The following CMIP variants were observed in gnomAD, a reference collection of about 807,000 sequenced individuals.
The protein encoded by CMIP is c-Maf inducing protein, also known as C-Maf-inducing protein.
CMIP carries 13 observed loss-of-function variants against 97.3 expected under a neutral mutation model. The observed-to-expected ratio is 0.13, with a 90% confidence interval of 0.09 to 0.21. The LOEUF (loss-of-function observed/expected upper bound fraction) is 0.21. CMIP is among the 10% of genes least tolerant of loss of function. The pLI is 1.00. For missense variants in CMIP, 847 were observed against 1,024.9 expected (o/e 0.83, Z 2.37); for synonymous variants, 538 against 436.3 (o/e 1.23, Z -2.91).
rs549028345 is a variant in CMIP, at chr16:81,653,002, C to T, written c.639+638C>T. 7.2e-5 allele frequency among the ~76,000 whole-genome samples: 11 copies of T among 152,290 alleles called. No individual in the cohort carries two copies. The South Asian group carries it at 2.1e-3, about 29-fold the overall frequency. ...CTTGTGTCCCGGCAGGGGAGACAGGCAGTGAACAATGAAACTCATCAGCGA... is the reference window on the plus strand; with the variant it reads ...CTTGTGTCCCGGCAGGGGAGACAGGTAGTGAACAATGAAACTCATCAGCGA... On this transcript the variant is annotated intron_variant, in intron 4 of 20. Transcript: ENST00000537098.
chr16:81,561,711 C>G (rs1024896201), intron 1 of CMIP, among the ~76,000 whole-genome samples: 1 of 152,222 alleles, frequency 6.6e-6, no homozygotes, highest in Non-Finnish European at 1.5e-5. Context: ...CATCCCTCAG[C>G]TGCTGTATGG....
At chr16:81,673,980 G>T (rs1412274948) in intron 9 of CMIP, among the ~76,000 whole-genome samples, 1 of 152,172 alleles carries the variant, frequency 6.6e-6, no homozygotes, top group East Asian at 1.9e-4. Flanking sequence ...TGTACAGGGG[G>T]GATTTCTCAA....
At chr16:81,516,147 C>T (rs538701819) in intron 1 of CMIP, among the ~76,000 whole-genome samples, 1 of 152,278 alleles carries the variant, frequency 6.6e-6, no homozygotes, top group East Asian at 1.9e-4. Context: ...CTCTCAGTTC[C>T]AGTGCCCAAG....
At position 81,535,501 on chromosome 16, in the gene CMIP, G is replaced by A. The variant is rs531225461; in HGVS notation, c.301-72066G>A. 1.6e-3 allele frequency among the ~76,000 whole-genome samples: 227 copies of A among 138,072 alleles called. 5 individuals carry two copies. In the South Asian group the frequency reaches 0.048, roughly 29 times the overall value. 90.6% of individuals were successfully genotyped at this position (138,072 alleles called of 152,430 possible). A position where few individuals can be genotyped will look rare whatever the true frequency, so the allele number is the denominator to read the frequency against. The stretch of plus-strand genomic sequence containing the variant: ...TTTTTTTTTTAAACAGCTGTTGTAC[G>A]TTCTTTCTCTAAGTGGAGCTAGTCA... On this transcript the variant is annotated intron_variant, in intron 1 of 20. Transcript: ENST00000537098.
intron 3 of CMIP, among the ~76,000 whole-genome samples, chr16:81,638,115 C>T (rs1348393844): frequency 6.6e-6 from 1 of 152,226 alleles, no homozygotes; most frequent in East Asian, 1.9e-4. Context: ...GGCCCCCTCA[C>T]TCCGGTGTCT....
chr16:81,710,699 C>G lies in CMIP; in HGVS notation c.*900C>G, dbSNP rs1908670311. ...TCCAACTCCCTCACGAGGTGGGGCT[C>G]AGGCTGGAGGAGGAGGGATTAAGAT... On this transcript the variant is annotated 3_prime_UTR_variant, in exon 21 of 21. Transcript: ENST00000537098. 6.6e-6 allele frequency: 1 copy of G among 152,248 alleles called. No individual in the cohort carries two copies. Among genetic ancestry groups the G allele is most frequent in the South Asian group, 2.1e-4 (1 of 4,826 alleles). The allele number at this position is 152,248 out of a possible 1,614,324, so 9.4% of individuals were successfully genotyped here. A position where few individuals can be genotyped will look rare whatever the true frequency, so the allele number is the denominator to read the frequency against.
chr16:81,608,065 G>C (rs187117829), intron 2 of CMIP, among the ~76,000 whole-genome samples: 17 of 152,328 alleles, frequency 1.1e-4, no homozygotes, highest in Admixed American at 8.5e-4. Flanking sequence ...AATAGATACT[G>C]ACTTTTTGCA....
chr16:81,610,743 G>C (rs963418879), intron 2 of CMIP, among the ~76,000 whole-genome samples: 1 of 152,156 alleles, frequency 6.6e-6, no homozygotes, highest in Non-Finnish European at 1.5e-5. Context: ...AGGGAGGCTG[G>C]GGCGGGGTGC....
At chr16:81,705,876 A>G (rs1908081493) in intron 19 of CMIP, among the ~76,000 whole-genome samples, 1 of 152,210 alleles carries the variant, frequency 6.6e-6, no homozygotes, top group Non-Finnish European at 1.5e-5. Flanking sequence ...CTTGACACTC[A>G]CAGTCCACTG....
intron 3 of CMIP, among the ~76,000 whole-genome samples, chr16:81,650,048 T>C (rs2092409223): frequency 6.6e-6 from 1 of 152,192 alleles, no homozygotes; most frequent in Non-Finnish European, 1.5e-5. Flanking sequence ...CTGGTTATGG[T>C]TCCAGAGACG....
chr16:81,591,099 G>C (rs2091460276), intron 1 of CMIP, among the ~76,000 whole-genome samples: 1 of 152,076 alleles, frequency 6.6e-6, no homozygotes, highest in African/African-American at 2.4e-5. Context: ...CTCTGATTTA[G>C]AGTTATAGCA....
rs112821820 is a variant in CMIP, at chr16:81,559,418, C to A, written c.301-48149C>A. ...GTTCTAGGTGCAGGAGATAGAGCAA[C>A]GACCACAGTAGTTAAAATCTGTTTT... On this transcript the variant is annotated intron_variant, in intron 1 of 20. Transcript: ENST00000537098. 1.7e-4 allele frequency among the ~76,000 whole-genome samples: 26 copies of A among 152,334 alleles called. 1 individual carries two copies. The highest frequency in any genetic ancestry group is 5.8e-4 in the African/African-American group (24 of 41,568).
intron 1 of CMIP, among the ~76,000 whole-genome samples, chr16:81,502,426 G>A (rs1037297435): frequency 6.6e-6 from 1 of 152,220 alleles, no homozygotes; most frequent in East Asian, 1.9e-4. Context: ...GAGCAATGGA[G>A]GGGGAGGTGA....
intron 1 of CMIP, among the ~76,000 whole-genome samples, chr16:81,470,564 C>T (rs977851481): frequency 2.0e-5 from 3 of 152,196 alleles, no homozygotes; most frequent in Admixed American, 6.5e-5. Context: ...TTCGAGTCCA[C>T]CACGAAGGTG....
intron 1 of CMIP, among the ~76,000 whole-genome samples, chr16:81,505,135 G>T (rs528774060): frequency 6.6e-6 from 1 of 152,210 alleles, no homozygotes; most frequent in Admixed American, 6.5e-5. Flanking sequence ...TGGAGGGCCC[G>T]TCTCAACATG....
intron 1 of CMIP, among the ~76,000 whole-genome samples, chr16:81,451,792 C>T (rs1460618503): frequency 6.6e-6 from 1 of 152,194 alleles, no homozygotes; most frequent in Non-Finnish European, 1.5e-5. Context: ...GAGGGCATTG[C>T]TTTTTGTTCC....
At chr16:81,480,601 C>T (rs1908200370) in intron 1 of CMIP, among the ~76,000 whole-genome samples, 1 of 152,200 alleles carries the variant, frequency 6.6e-6, no homozygotes, top group Non-Finnish European at 1.5e-5. Context: ...GCTCCAGCCT[C>T]CCTCTGTTGT....
chr16:81,682,340 G>A (rs1037499826), intron 10 of CMIP, among the ~76,000 whole-genome samples: 19 of 152,172 alleles, frequency 1.2e-4, no homozygotes, highest in African/African-American at 4.3e-4. Context: ...CAAGGCATGC[G>A]GATCACCTGA....
At chr16:81,691,523 A>C in intron 10 of CMIP, 1 of 562,078 alleles carries the variant, frequency 1.8e-6, no homozygotes, top group Non-Finnish European at 3.2e-6. Context: ...GGCATTGTGA[A>C]GTCTGGGGAA....
Sources: allele counts gnomAD v4.1 joint callset (sites outside exome capture counted in the v4.1 genomes callset), GRCh38; gene constraint gnomAD v4.1.1; transcripts MANE v1.5; gene names NCBI Gene and HGNC (gene_info 2026-07-23, HGNC 2026-07-21).